The following ARPP21 variants were observed in gnomAD, a reference collection of about 807,000 sequenced individuals.
ARPP21 encodes the protein cAMP-regulated phosphoprotein 21.
Under a neutral mutation model 113.2 loss-of-function variants are expected in ARPP21, and 69 were observed. That is an observed-to-expected ratio of 0.61 (90% CI 0.50 to 0.74). The LOEUF (loss-of-function observed/expected upper bound fraction) is 0.74. Among genes scored for constraint, ARPP21 ranks in the 30% least tolerant of loss-of-function variants. ARPP21 has a pLI of 0.00. For missense variants in ARPP21, 1,070 were observed against 1,037.4 expected (o/e 1.03, Z -0.43); for synonymous variants, 368 against 375.5 (o/e 0.98, Z 0.23).
intron 18 of ARPP21, among the ~76,000 whole-genome samples, chr3:35,742,444 T>C (rs2094727604): frequency 6.6e-6 from 1 of 152,280 alleles, no homozygotes; most frequent in Admixed American, 6.5e-5. Context: ...AAGAGAGAAG[T>C]AGTAAGAGCG....
At chr3:35,760,885 A>C (rs2095749517) in intron 19 of ARPP21, among the ~76,000 whole-genome samples, 1 of 152,002 alleles carries the variant, frequency 6.6e-6, no homozygotes, top group Admixed American at 6.6e-5. Context: ...GATCTTCCTG[A>C]ATTTCTGAGG....
intron 19 of ARPP21, among the ~76,000 whole-genome samples, chr3:35,786,397 C>T (rs1041286850): frequency 6.6e-6 from 1 of 152,032 alleles, no homozygotes; most frequent in African/African-American, 2.4e-5. Context: ...TGGTGCGTGC[C>T]TGTTTTCCCA....
At chr3:35,734,270 C>A (rs1363571538) in intron 15 of ARPP21, among the ~76,000 whole-genome samples, 1 of 152,102 alleles carries the variant, frequency 6.6e-6, no homozygotes, top group Non-Finnish European at 1.5e-5. Context: ...GATTAGAACA[C>A]TAAATGGACT....
At chr3:35,749,751 A>G (rs1342243155) in intron 19 of ARPP21, among the ~76,000 whole-genome samples, 4 of 152,128 alleles carry the variant, frequency 2.6e-5, no homozygotes, top group African/African-American at 4.8e-5. Context: ...TGATTATAGT[A>G]TTCAGATTAT....
chr3:35,748,202 A>AGAGG (rs1394226799), intron 19 of ARPP21, among the ~76,000 whole-genome samples: 20 of 143,252 alleles, frequency 1.4e-4, no homozygotes, highest in African/African-American at 4.2e-4. Context: ...AAAGAGAGAG[A>AGAGG]GAGGGAGGGA....
intron 1 of ARPP21, among the ~76,000 whole-genome samples, chr3:35,646,061 A>G (rs1366955589): frequency 6.6e-6 from 1 of 152,024 alleles, no homozygotes; most frequent in Non-Finnish European, 1.5e-5. Flanking sequence ...CTAAATGTTC[A>G]GTGATTCAAG....
At chr3:35,731,328 A>T (rs917369693) in intron 15 of ARPP21, among the ~76,000 whole-genome samples, 1 of 152,204 alleles carries the variant, frequency 6.6e-6, no homozygotes, top group South Asian at 2.1e-4. Context: ...ATTCTTTTTC[A>T]TTGGACCGAG....
At chr3:35,784,588 C>T (rs1342078021) in intron 19 of ARPP21, among the ~76,000 whole-genome samples, 10 of 152,154 alleles carry the variant, frequency 6.6e-5, no homozygotes, top group Admixed American at 3.9e-4. Flanking sequence ...TCTTTCCATT[C>T]CTATACCACC....
chr3:35,715,485 A>G lies in ARPP21; in HGVS notation c.935+9A>G. ...CTTTTTGTGGAAAACAGGTAAAATAAAATTTACTTTTCCATGTCTTTAGAG... is the reference window on the plus strand; with the variant it reads ...CTTTTTGTGGAAAACAGGTAAAATAGAATTTACTTTTCCATGTCTTTAGAG... On this transcript the variant is annotated intron_variant, in intron 12 of 20. Transcript: ENST00000684406. 1.2e-6 allele frequency: 2 copies of G among 1,609,862 alleles called. No homozygotes were observed. Among genetic ancestry groups the G allele is most frequent in the Non-Finnish European group, 1.7e-6 (2 of 1,176,420 alleles).
intron 9 of ARPP21, among the ~76,000 whole-genome samples, chr3:35,692,903 A>G (rs1255022127): frequency 2.6e-5 from 4 of 151,758 alleles, no homozygotes; most frequent in South Asian, 4.1e-4. Context: ...AGAACTTTCT[A>G]TTGATCAGCT....
rs566293297 is a variant in ARPP21 at position 35,784,569 on chromosome 3, T to C, written c.2138-7813T>C. On this transcript the variant is annotated intron_variant, in intron 19 of 20. Transcript: ENST00000684406. ...AAAGTTCATATCCTAAATAACTCTC[T>C]GTGCCTCTTCTTTCCATTCCTATAC... Among the ~76,000 whole-genome samples the C allele has an allele frequency of 5.3e-5, 8 of 152,346 alleles. No individual in the cohort carries two copies. The East Asian group carries it at 1.5e-3, about 29-fold the overall frequency.
chr3:35,647,152 T>G (rs1700556901), intron 1 of ARPP21, among the ~76,000 whole-genome samples: 1 of 152,182 alleles, frequency 6.6e-6, no homozygotes, highest in Non-Finnish European at 1.5e-5. Context: ...ATTATTGTCT[T>G]CAGCCAGAAC....
intron 1 of ARPP21, among the ~76,000 whole-genome samples, chr3:35,677,260 TTAATATGTG>T (rs2149402213): frequency 6.6e-6 from 1 of 151,828 alleles, no homozygotes; most frequent in South Asian, 2.1e-4. Flanking sequence ...AGCACAGTGA[TTAATATGTG>T]TAATACACAC....
At chr3:35,650,062 A>C (rs1458075895) in intron 1 of ARPP21, 1 of 152,146 alleles carries the variant, frequency 6.6e-6, no homozygotes, top group Non-Finnish European at 1.5e-5. Context: ...CTTAACTTAG[A>C]AGAGGAACAC....
chr3:35,696,291 G>A (rs767570010), intron 9 of ARPP21, among the ~76,000 whole-genome samples: 11 of 151,716 alleles, frequency 7.3e-5, no homozygotes, highest in South Asian at 4.1e-4. Context: ...TTGGGAAACA[G>A]TTCAAGGTGG....
At chr3:35,782,776 G>C (rs933763743) in intron 19 of ARPP21, among the ~76,000 whole-genome samples, 10 of 152,074 alleles carry the variant, frequency 6.6e-5, no homozygotes, top group Admixed American at 2.6e-4. Context: ...TTTATACCAT[G>C]TTAAAACAGC....
At chr3:35,741,754 C>G (rs1172048176) in intron 18 of ARPP21, among the ~76,000 whole-genome samples, 6 of 152,138 alleles carry the variant, frequency 3.9e-5, no homozygotes, top group African/African-American at 1.4e-4. Flanking sequence ...TATTCTTACT[C>G]CTTTCTCCCT....
At chr3:35,666,770 G>A (rs2074467593) in intron 1 of ARPP21, among the ~76,000 whole-genome samples, 1 of 152,084 alleles carries the variant, frequency 6.6e-6, no homozygotes, top group Admixed American at 6.5e-5. Context: ...ACTGCAAACA[G>A]GCATCCAAAT....
intron 15 of ARPP21, among the ~76,000 whole-genome samples, chr3:35,734,958 A>G (rs529326667): frequency 1.3e-5 from 2 of 152,354 alleles, no homozygotes; most frequent in Admixed American, 1.3e-4. Flanking sequence ...AGGCTCTCCC[A>G]GAAGTACTGA....
Sources: gnomAD v4.1 joint callset for allele counts (sites outside exome capture counted in the v4.1 genomes callset) on GRCh38, gnomAD v4.1.1 for gene constraint, MANE v1.5 for transcripts, NCBI Gene and HGNC (gene_info 2026-07-23, HGNC 2026-07-21) for gene names.